MYT1L: variants seen among roughly 807,000 people sequenced by gnomAD.
MYT1L encodes myelin transcription factor 1 like.
MYT1L carries 12 observed loss-of-function variants against 126.7 expected under a neutral mutation model. The ratio of observed to expected loss-of-function variants is 0.09; its 90% CI spans 0.06 to 0.15. MYT1L has a LOEUF of 0.15. Among genes scored for constraint, MYT1L ranks in the 10% least tolerant of loss-of-function variants. The pLI is 1.00. For missense variants in MYT1L, 979 were observed against 1,585.2 expected, an observed-to-expected ratio of 0.62 and a Z score of 6.49; for synonymous variants, 541 against 604.2, an observed-to-expected ratio of 0.90 and a Z score of 1.53.
At chr2:2,318,489 C>A (rs1351793051) in intron 1 of MYT1L, among the ~76,000 whole-genome samples, 2 of 152,160 alleles carry the variant, frequency 1.3e-5, no homozygotes, top group African/African-American at 4.8e-5. Flanking sequence ...TCTTGGCTGG[C>A]ACCATGGATG....
intron 19 of MYT1L, among the ~76,000 whole-genome samples, chr2:1,844,741 C>A (rs554421646): frequency 7.9e-5 from 12 of 152,302 alleles, no homozygotes; most frequent in African/African-American, 2.9e-4. Flanking sequence ...CTGACTTTCA[C>A]CTTTATCTGC....
chr2:1,861,789 G>C (rs866765846), intron 18 of MYT1L, among the ~76,000 whole-genome samples: 9 of 144,390 alleles, frequency 6.2e-5, no homozygotes, highest in African/African-American at 2.0e-4. Flanking sequence ...GGATCTGCCT[G>C]CAGACTGTGT....
intron 2 of MYT1L, among the ~76,000 whole-genome samples, chr2:2,265,394 G>C (rs904360845): frequency 6.6e-6 from 1 of 151,758 alleles, no homozygotes; most frequent in Non-Finnish European, 1.5e-5. Flanking sequence ...GATTATGTAA[G>C]TGAAACAGTT....
intron 2 of MYT1L, among the ~76,000 whole-genome samples, chr2:2,240,490 T>A (rs1389723579): frequency 6.6e-6 from 1 of 152,190 alleles, no homozygotes; most frequent in African/African-American, 2.4e-5. Flanking sequence ...GGAATTTGGA[T>A]CATTATCTAC....
Position 2,051,792 on chromosome 2 carries a change from G to A in MYT1L, c.-158+2186C>T, listed in dbSNP as rs549208488. Among the ~76,000 whole-genome samples, 63 of 152,024 alleles carry A rather than the reference G, an allele frequency of 4.1e-4. No homozygotes were observed. In the South Asian group the frequency reaches 0.013, roughly 31 times the overall value. On this transcript the variant is annotated intron_variant, in intron 4 of 24. Coordinates refer to ENST00000647738, the MANE Select transcript of MYT1L (RefSeq NM_001303052.2). ...ACTTTTTCTTTCCAAACAGAAATAA[G>A]GTCATGGTACACGCTTAAATTGCAT...
chr2:1,875,341 CA>C (rs2046774412), intron 18 of MYT1L, among the ~76,000 whole-genome samples: 1 of 152,182 alleles, frequency 6.6e-6, no homozygotes, highest in African/African-American at 2.4e-5. Flanking sequence ...CAAGGAAGTC[CA>C]TTTCAAGAGA....
At position 1,979,097 on chromosome 2, in the gene MYT1L, A is replaced by T. The variant is rs752961810; in HGVS notation, c.152+68T>A. 2.5e-5 allele frequency: 33 copies of T among 1,307,926 alleles called. No individual in the cohort carries two copies. Among genetic ancestry groups the T allele is most frequent in the Non-Finnish European group, 3.4e-5 (31 of 918,686 alleles). 81.0% of individuals were successfully genotyped at this position (1,307,926 alleles called of 1,614,324 possible). On this transcript the variant is annotated intron_variant, in intron 8 of 24. Coordinates refer to ENST00000647738, the MANE Select transcript of MYT1L (RefSeq NM_001303052.2). The surrounding 1 kb of genome is among the most constrained non-coding windows in gnomAD (Gnocchi z 4.0). ...AGAACACCTGCTCACACAGTTCATC[A>T]TCAGGACTGGGTCCCCAAATAAGTC...
chr2:1,806,795 T>C lies in MYT1L; in HGVS notation c.3172+2281A>G, dbSNP rs572985825. Among the ~76,000 whole-genome samples, 36 of 152,246 alleles carry C rather than the reference T, an allele frequency of 2.4e-4. No homozygotes were observed. In the Middle Eastern group the frequency reaches 0.01, roughly 43 times the overall value. On this transcript the variant is annotated intron_variant, in intron 22 of 24. Coordinates refer to ENST00000647738, the MANE Select transcript of MYT1L (RefSeq NM_001303052.2). The surrounding 1 kb of genome is among the most constrained non-coding windows in gnomAD (Gnocchi z 4.9). ...CTGTTTTGAACTGGCCTACCTAACC[T>C]AACCGCCACTTCCTTCATTAATGGG...
intron 4 of MYT1L, among the ~76,000 whole-genome samples, chr2:2,015,801 C>T (rs756492008): frequency 2.6e-5 from 4 of 152,188 alleles, no homozygotes; most frequent in Non-Finnish European, 4.4e-5. Context: ...TGTTCATTTC[C>T]TTCAACAATC....
At chr2:2,297,079 C>A (rs1315068039) in intron 1 of MYT1L, among the ~76,000 whole-genome samples, 1 of 152,134 alleles carries the variant, frequency 6.6e-6, no homozygotes, top group Non-Finnish European at 1.5e-5. Context: ...TCAGGGCAAA[C>A]TGGAACCACC....
At chr2:1,926,461 C>T (rs1558424417) in intron 9 of MYT1L, among the ~76,000 whole-genome samples, 1 of 152,170 alleles carries the variant, frequency 6.6e-6, no homozygotes, top group Admixed American at 6.5e-5. Flanking sequence ...GGAACTAGAT[C>T]AGAATTTTCT....
intron 2 of MYT1L, among the ~76,000 whole-genome samples, chr2:2,231,102 C>G (rs1167842530): frequency 6.6e-6 from 1 of 152,172 alleles, no homozygotes; most frequent in Non-Finnish European, 1.5e-5. Context: ...CCTTTCCAGT[C>G]CTTTTCAACT....
Position 1,889,710 on chromosome 2 carries a change from C to T in MYT1L, c.2284-233G>A, listed in dbSNP as rs1483631004. 2.0e-5 allele frequency among the ~76,000 whole-genome samples: 3 copies of T among 152,126 alleles called. No individual in the cohort carries two copies. Among genetic ancestry groups the T allele is most frequent in the African/African-American group, 7.2e-5 (3 of 41,422 alleles). On this transcript the variant is annotated intron_variant, in intron 15 of 24. Transcript: ENST00000647738. This position sits in a 1 kb window ranked among gnomAD's most constrained non-coding sequence, Gnocchi z 4.1. ...TTGGAGAATCCAGGCATCCATCCCG[C>T]CATCCCTCTCTCCCTCCCTCCCTCC...
chr2:2,166,518 G>T (rs2089150515), intron 3 of MYT1L, among the ~76,000 whole-genome samples: 1 of 152,202 alleles, frequency 6.6e-6, no homozygotes, highest in Non-Finnish European at 1.5e-5. Context: ...TTATTCTCTG[G>T]CTGCGACCTT....
intron 3 of MYT1L, among the ~76,000 whole-genome samples, chr2:2,142,900 T>A (rs1575459296): frequency 6.6e-6 from 1 of 151,680 alleles, no homozygotes; most frequent in African/African-American, 2.4e-5. Flanking sequence ...TTGGCCAGGG[T>A]GGTCTCAAAC....
rs2034886483 is a variant in MYT1L at position 1,801,681 on chromosome 2, T to C, written c.3276+15A>G. On this transcript the variant is annotated intron_variant, in intron 23 of 24. Coordinates refer to ENST00000647738, the MANE Select transcript of MYT1L (RefSeq NM_001303052.2). The surrounding 1 kb of genome is among the most constrained non-coding windows in gnomAD (Gnocchi z 4.2). ...GCGTGTTAGAGCTAAAATTGAGGGC[T>C]TCAAAAACTGTTACCTGAGTTCTGA... 6.4e-7 allele frequency: 1 copy of C among 1,566,938 alleles called. No homozygotes were observed. Among genetic ancestry groups the C allele is most frequent in the Non-Finnish European group, 8.8e-7 (1 of 1,142,430 alleles).
chr2:1,807,730 C>T (rs1412408621), intron 22 of MYT1L, among the ~76,000 whole-genome samples: 3 of 152,128 alleles, frequency 2.0e-5, no homozygotes, highest in Non-Finnish European at 4.4e-5. Context: ...TTACTGCACA[C>T]AGGCTGAGAG....
intron 2 of MYT1L, among the ~76,000 whole-genome samples, chr2:2,232,603 C>T (rs904156961): frequency 9.2e-5 from 14 of 152,158 alleles, no homozygotes; most frequent in African/African-American, 2.7e-4. Context: ...AGAGTGGCAC[C>T]GTCCCATCCA....
At chr2:2,004,362 C>A (rs2062877520) in intron 4 of MYT1L, among the ~76,000 whole-genome samples, 1 of 144,766 alleles carries the variant, frequency 6.9e-6, no homozygotes, top group African/African-American at 2.6e-5. Flanking sequence ...TGCCTTCTTT[C>A]CTGTGTGCCT....
Sources: allele counts gnomAD v4.1 joint callset (sites outside exome capture counted in the v4.1 genomes callset), GRCh38; gene constraint gnomAD v4.1.1; non-coding constraint Gnocchi (gnomAD v3.1); transcripts MANE v1.5; gene names NCBI Gene and HGNC (gene_info 2026-07-23, HGNC 2026-07-21).